Variants in RGS7 observed in about 807,000 individuals in gnomAD.
RGS7 encodes regulator of G-protein signaling 7.
In RGS7, 27 loss-of-function variants were observed where a neutral mutation model predicts 81.1. The observed-to-expected ratio is 0.33, with a 90% CI of 0.25 to 0.46. RGS7 has a LOEUF of 0.46. Among genes scored for constraint, RGS7 ranks in the 20% least tolerant of loss-of-function variants. The pLI, the probability that RGS7 is intolerant of heterozygous loss-of-function variation, is 1.00. For synonymous variants in RGS7, 208 were observed against 207.7 expected (o/e 1.00, Z -0.01); for missense variants, 396 against 607.4 (o/e 0.65, Z 3.66).
chr1:240,939,009 T>C (rs371200880), intron 4 of RGS7, among the ~76,000 whole-genome samples: 1 of 152,176 alleles, frequency 6.6e-6, no homozygotes, highest in African/African-American at 2.4e-5. Context: ...TTCTGTTACT[T>C]TCATTCTCTG....
At chr1:240,996,729 G>C (rs1687346885) in intron 3 of RGS7, among the ~76,000 whole-genome samples, 1 of 151,992 alleles carries the variant, frequency 6.6e-6, no homozygotes, top group African/African-American at 2.4e-5. Flanking sequence ...GCATGTAGTT[G>C]AGCCATGATT....
chr1:240,831,630 C>CTTTTTTTTTTTTTTT (rs767275119), intron 9 of RGS7, among the ~76,000 whole-genome samples: 1 of 135,400 alleles, frequency 7.4e-6, no homozygotes, highest in Non-Finnish European at 1.6e-5. Flanking sequence ...TCCAGACATC[C>CTTTTTTTTTTTTTTT]TTTTTTTTTT....
chr1:241,144,965 T>TGTGTGTGTGTGTGTGTGTG lies in RGS7; in HGVS notation c.79-46204_79-46203insCACACACACACACACACAC, dbSNP rs1558125889. Among the ~76,000 whole-genome samples, 1 of 124,952 alleles carries TGTGTGTGTGTGTGTGTGTG rather than the reference T, an allele frequency of 8.0e-6. No individual in the cohort carries two copies. The highest frequency in any genetic ancestry group is 4.0e-5 in the African/African-American group (1 of 24,830). 82.0% of individuals were successfully genotyped at this position (124,952 alleles called of 152,430 possible). A position where few individuals can be genotyped will look rare whatever the true frequency, so the allele number is the denominator to read the frequency against. On this transcript the variant is annotated intron_variant, in intron 2 of 18. Coordinates refer to ENST00000440928, the MANE Select transcript of RGS7 (RefSeq NM_001364886.1). The surrounding 1 kb of genome is among the most constrained non-coding windows in gnomAD (Gnocchi z 4.7). ...TGTGTGTGTGTGTGTGTGTGTGTGTTCGTGTTCATTCTTCCTGTTCCTGTT... is the reference window on the plus strand; with the variant it reads ...TGTGTGTGTGTGTGTGTGTGTGTGTTGTGTGTGTGTGTGTGTGTGCGTGTTCATTCTTCCTGTTCCTGTT...
At chr1:240,972,551 T>TGGGGGGA (rs1683380510) in intron 4 of RGS7, among the ~76,000 whole-genome samples, 1 of 46,356 alleles carries the variant, frequency 2.2e-5, no homozygotes, top group Non-Finnish European at 3.7e-5. Flanking sequence ...TGTGGTGGGG[T>TGGGGGGA]GGGGGGAGGG....
At chr1:240,814,322 T>A (rs1158234523) in intron 12 of RGS7, among the ~76,000 whole-genome samples, 1 of 152,170 alleles carries the variant, frequency 6.6e-6, no homozygotes, top group Non-Finnish European at 1.5e-5. Context: ...TATTCTGAAG[T>A]CAGGCAGGAA....
At position 240,822,131 on chromosome 1, in the gene RGS7, C is replaced by T. The variant is rs553319633; in HGVS notation, c.684+4967G>A. ...GTAAAGCAGTTTGCCCTTCACAATG[C>T]GGGTGGGCCTCATCCAATCAGTTGA... On this transcript the variant is annotated intron_variant, in intron 10 of 18. Transcript: ENST00000440928. Among the ~76,000 whole-genome samples the T allele has an allele frequency of 3.3e-5, 5 of 152,246 alleles. No individual in the cohort carries two copies. The South Asian group carries it at 6.2e-4, about 19-fold the overall frequency.
chr1:241,287,306 T>C (rs2078861812), intron 2 of RGS7, among the ~76,000 whole-genome samples: 1 of 152,214 alleles, frequency 6.6e-6, no homozygotes, highest in South Asian at 2.1e-4. Flanking sequence ...CCATGTGTTG[T>C]GGGAGGGACC....
chr1:241,131,050 G>A (rs1432644437), intron 2 of RGS7, among the ~76,000 whole-genome samples: 3 of 151,634 alleles, frequency 2.0e-5, no homozygotes, highest in African/African-American at 4.9e-5. Context: ...TTTATTTAAC[G>A]CCAGTTTGAA....
At chr1:240,967,568 T>TGGG (rs543910244) in intron 4 of RGS7, among the ~76,000 whole-genome samples, 7 of 53,994 alleles carry the variant, frequency 1.3e-4, no homozygotes, top group African/African-American at 4.2e-4. Flanking sequence ...TGCCAAGAAG[T>TGGG]GGGGGGGGGG....
At chr1:241,079,739 A>G (rs2063029292) in intron 3 of RGS7, among the ~76,000 whole-genome samples, 1 of 152,106 alleles carries the variant, frequency 6.6e-6, no homozygotes, top group Non-Finnish European at 1.5e-5. Context: ...AGCATTTTAC[A>G]AAAACACATC....
chr1:241,103,941 C>G (rs939732228), intron 2 of RGS7, among the ~76,000 whole-genome samples: 3 of 152,168 alleles, frequency 2.0e-5, no homozygotes, highest in Admixed American at 6.5e-5. Flanking sequence ...ATTGTCAGCA[C>G]ATTTTAGTTT....
intron 2 of RGS7, among the ~76,000 whole-genome samples, chr1:241,303,994 A>C (rs2079930440): frequency 1.3e-5 from 2 of 152,234 alleles, no homozygotes; most frequent in Non-Finnish European, 2.9e-5. Flanking sequence ...ATTCTTTCAA[A>C]ATGATAATAT....
At chr1:241,066,052 T>C (rs1344740370) in intron 3 of RGS7, among the ~76,000 whole-genome samples, 2 of 152,182 alleles carry the variant, frequency 1.3e-5, no homozygotes, top group Admixed American at 6.5e-5. Flanking sequence ...TAAGTGGAAG[T>C]TAAGTGTAGC....
chr1:241,132,773 GTTT>G (rs1162567121), intron 2 of RGS7, among the ~76,000 whole-genome samples: 2 of 151,740 alleles, frequency 1.3e-5, no homozygotes, highest in Non-Finnish European at 2.9e-5. Flanking sequence ...TTGTTTGTTT[GTTT>G]GTTTTAGACG....
chr1:241,080,962 G>A (rs139531001), intron 3 of RGS7, among the ~76,000 whole-genome samples: 21 of 152,206 alleles, frequency 1.4e-4, no homozygotes, highest in African/African-American at 4.1e-4. Context: ...ACGTGGTTTC[G>A]AATATGGGTA....
chr1:240,994,778 C>A (rs1036279868), intron 3 of RGS7, among the ~76,000 whole-genome samples: 2 of 151,986 alleles, frequency 1.3e-5, no homozygotes, highest in African/African-American at 4.8e-5. Context: ...ATAAAGTAAA[C>A]TTATTATTAT....
At chr1:241,113,990 G>A (rs776712533) in intron 2 of RGS7, among the ~76,000 whole-genome samples, 1 of 152,058 alleles carries the variant, frequency 6.6e-6, no homozygotes, top group Non-Finnish European at 1.5e-5. Context: ...GTTTCTTCAG[G>A]ATAAATATTA....
intron 3 of RGS7, among the ~76,000 whole-genome samples, chr1:241,090,301 A>C (rs1437107409): frequency 6.6e-6 from 1 of 152,102 alleles, no homozygotes; most frequent in East Asian, 1.9e-4. Context: ...AGATATGAGA[A>C]GAGGGGGATA....
At chr1:241,337,609 C>A (rs2082320499) in intron 2 of RGS7, among the ~76,000 whole-genome samples, 1 of 152,184 alleles carries the variant, frequency 6.6e-6, no homozygotes, top group African/African-American at 2.4e-5. Context: ...TTGGCTCCAT[C>A]TCACTAAATG....
Sources: gnomAD v4.1 joint callset for allele counts (sites outside exome capture counted in the v4.1 genomes callset) on GRCh38, gnomAD v4.1.1 for gene constraint, Gnocchi (gnomAD v3.1) non-coding constraint, MANE v1.5 for transcripts, NCBI Gene and HGNC (gene_info 2026-07-23, HGNC 2026-07-21) for gene names.